The following RYR2 variants were observed in gnomAD, a reference collection of about 807,000 sequenced individuals.
The protein encoded by RYR2 is ryanodine receptor 2.
RYR2 carries 227 observed loss-of-function variants against 601.1 expected under a neutral mutation model. The observed-to-expected ratio is 0.38, with a 90% CI of 0.34 to 0.42. The LOEUF is 0.42. Ranked by LOEUF, RYR2 falls within the 10% of genes least tolerant of loss-of-function variation. The probability of loss-of-function intolerance (pLI) is 1.00; values close to 1 mark genes in which losing one functional copy is unlikely to be tolerated. For missense variants in RYR2, 4,646 were observed against 6,156.5 expected (o/e 0.75, Z 8.21); for synonymous variants, 2,223 against 2,175.1 (o/e 1.02, Z -0.61).
At chr1:237,335,003 T>C (rs1697110019) in intron 3 of RYR2, among the ~76,000 whole-genome samples, 1 of 152,192 alleles carries the variant, frequency 6.6e-6, no homozygotes, top group Non-Finnish European at 1.5e-5. Context: ...TGTATACTTT[T>C]AAACTCCCTG....
rs565798604 is a variant in RYR2 at position 237,128,034 on chromosome 1, G to A, written c.48+85465G>A. On this transcript the variant is annotated intron_variant, in intron 1 of 104. Transcript: ENST00000366574. The stretch of plus-strand genomic sequence containing the variant: ...GGCACTTTGGGAGGCCAAGGCAGGC[G>A]GCTGGGAGGTGGAGGTTGTAGCGAG... Among the ~76,000 whole-genome samples the A allele has an allele frequency of 6.9e-3, 1,052 of 152,296 alleles. 5 individuals carry two copies. Among genetic ancestry groups the A allele is most frequent in the African/African-American group, 0.024 (1,005 of 41,552 alleles).
chr1:237,651,299 C>A, intron 50 of RYR2, 112 bp from the exon 51 acceptor site: 1 of 733,500 alleles, frequency 1.4e-6, no homozygotes, highest in South Asian at 1.6e-5. Flanking sequence ...TGAATACCAT[C>A]TGAAGTGAGG....
At chr1:237,565,088 TTCTTC>T in intron 27 of RYR2, among the ~76,000 whole-genome samples, 1 of 152,038 alleles carries the variant, frequency 6.6e-6, no homozygotes, top group African/African-American at 2.4e-5. Context: ...AGGAACTTCC[TTCTTC>T]TCTTTTCTTT....
chr1:237,071,704 A>C (rs996145060), intron 1 of RYR2, among the ~76,000 whole-genome samples: 1 of 152,182 alleles, frequency 6.6e-6, no homozygotes, highest in Non-Finnish European at 1.5e-5. Flanking sequence ...AGGCTTCACC[A>C]GGGACCTACC....
At chr1:237,803,767 ACTC>A (rs1432496433) in intron 98 of RYR2, among the ~76,000 whole-genome samples, 1 of 149,266 alleles carries the variant, frequency 6.7e-6, no homozygotes, top group Non-Finnish European at 1.5e-5. Flanking sequence ...ATTCATATGG[ACTC>A]CTCCTCTTCT....
At chr1:237,465,652 C>G (rs1195809683) in intron 16 of RYR2, among the ~76,000 whole-genome samples, 3 of 152,144 alleles carry the variant, frequency 2.0e-5, no homozygotes, top group African/African-American at 7.2e-5. Context: ...TACTGCATGG[C>G]TATGCTATAC....
intron 99 of RYR2, 120 bp downstream of exon 99, chr1:237,806,403 G>A (rs998287681): frequency 8.5e-5 from 79 of 932,426 alleles, no homozygotes; most frequent in Non-Finnish European, 1.2e-4. Flanking sequence ...TTGAAGGGAG[G>A]GTCTGCACCT....
At chr1:237,747,179 G>A (rs1206540342) in intron 80 of RYR2, among the ~76,000 whole-genome samples, 1 of 152,204 alleles carries the variant, frequency 6.6e-6, no homozygotes, top group Non-Finnish European at 1.5e-5. Flanking sequence ...GGAATGGAAT[G>A]TTAACTTGTC....
chr1:237,466,624 T>C (rs1217395902), intron 16 of RYR2, among the ~76,000 whole-genome samples: 1 of 152,014 alleles, frequency 6.6e-6, no homozygotes, highest in Admixed American at 6.5e-5. Context: ...TAATTTCTAC[T>C]TTTATTGCGA....
intron 17 of RYR2, among the ~76,000 whole-genome samples, chr1:237,482,038 C>G (rs888620205): frequency 6.6e-6 from 1 of 152,034 alleles, no homozygotes; most frequent in Non-Finnish European, 1.5e-5. Context: ...TGAACTTTCA[C>G]TACTTTTTTA....
intron 1 of RYR2, among the ~76,000 whole-genome samples, chr1:237,122,246 T>A (rs1389755266): frequency 6.6e-6 from 1 of 152,220 alleles, no homozygotes; most frequent in East Asian, 1.9e-4. Context: ...TCCCTCCACA[T>A]CGACCGCTTG....
chr1:237,580,612 G>A (rs1281530596), intron 29 of RYR2, among the ~76,000 whole-genome samples: 2 of 152,096 alleles, frequency 1.3e-5, no homozygotes, highest in East Asian at 3.9e-4. Flanking sequence ...TGTGTCTGCT[G>A]GCAGATACAG....
chr1:237,717,571 C>T (rs1689367806), intron 72 of RYR2, among the ~76,000 whole-genome samples: 1 of 152,094 alleles, frequency 6.6e-6, no homozygotes, highest in Non-Finnish European at 1.5e-5. Context: ...ATGTTAATCA[C>T]CTCCGGGACA....
intron 10 of RYR2, among the ~76,000 whole-genome samples, chr1:237,408,013 T>C (rs1000137820): frequency 9.9e-5 from 15 of 152,248 alleles, no homozygotes; most frequent in Non-Finnish European, 2.1e-4. Context: ...CTCTGGCTTG[T>C]CTTTTTATTC....
intron 37 of RYR2, among the ~76,000 whole-genome samples, chr1:237,616,061 C>T (rs933469542): frequency 6.6e-6 from 1 of 152,016 alleles, no homozygotes. Flanking sequence ...GATCTAGTGT[C>T]TGGTTAGTCA....
chr1:237,595,789 G>A (rs538561445), intron 34 of RYR2, 132 bp downstream of exon 34: 39 of 1,075,868 alleles, frequency 3.6e-5, no homozygotes, highest in African/African-American at 1.8e-4. Context: ...AAAATCAGCC[G>A]AGCAGACCTG....
chr1:237,405,140 A>C (rs1238902043), intron 10 of RYR2, among the ~76,000 whole-genome samples: 1 of 152,254 alleles, frequency 6.6e-6, no homozygotes, highest in East Asian at 1.9e-4. Flanking sequence ...CTGATTACAC[A>C]GGAATAGACT....
At chr1:237,213,352 A>AT (rs1292653312) in intron 1 of RYR2, among the ~76,000 whole-genome samples, 2 of 151,628 alleles carry the variant, frequency 1.3e-5, no homozygotes, top group African/African-American at 2.4e-5. Flanking sequence ...TAATTTTTGA[A>AT]TTTTTTGTAT....
chr1:237,565,155 TTCTCTTTCTTTC>T (rs1559035361), intron 27 of RYR2, among the ~76,000 whole-genome samples: 2 of 120,838 alleles, frequency 1.7e-5, no homozygotes, highest in African/African-American at 6.6e-5. Flanking sequence ...CTTTCTTTCT[TTCTCTTTCTTTC>T]TTTCTTTCTT....
Sources: gnomAD v4.1 joint callset for allele counts (sites outside exome capture counted in the v4.1 genomes callset) on GRCh38, gnomAD v4.1.1 for gene constraint, MANE v1.5 for transcripts, NCBI Gene and HGNC (gene_info 2026-07-23, HGNC 2026-07-21) for gene names.